EYA4: variants seen among roughly 807,000 people sequenced by gnomAD.
The protein encoded by EYA4 is EYA transcriptional coactivator and phosphatase 4, also known as protein phosphatase EYA4.
A neutral mutation model predicts 87.9 loss-of-function variants in EYA4; 31 were observed. The ratio of observed to expected loss-of-function variants is 0.35; its 90% CI spans 0.27 to 0.48. EYA4 has a LOEUF of 0.48. Among genes scored for constraint, EYA4 ranks in the 20% least tolerant of loss-of-function variants. The pLI is 0.99. For synonymous variants in EYA4, 263 were observed against 270.6 expected (o/e 0.97, Z 0.28); for missense variants, 678 against 761.4 (o/e 0.89, Z 1.29).
chr6:133,509,464 A>C (rs1255660461), intron 14 of EYA4, among the ~76,000 whole-genome samples: 2 of 152,062 alleles, frequency 1.3e-5, no homozygotes, highest in Non-Finnish European at 2.9e-5. Context: ...ATACTGCAAC[A>C]TATATAGTAG....
intron 1 of EYA4, among the ~76,000 whole-genome samples, chr6:133,263,971 G>T (rs545700743): frequency 6.6e-6 from 1 of 152,268 alleles, no homozygotes; most frequent in South Asian, 2.1e-4. Context: ...TTTTCCCAAG[G>T]GTATCTAGGG....
intron 14 of EYA4, among the ~76,000 whole-genome samples, chr6:133,506,921 T>TA (rs1302712395): frequency 1.3e-5 from 2 of 152,182 alleles, no homozygotes; most frequent in Non-Finnish European, 2.9e-5. Flanking sequence ...TCGAAATAAC[T>TA]AAATAGTTCA....
At chr6:133,403,265 C>T (rs1282214008) in intron 3 of EYA4, among the ~76,000 whole-genome samples, 1 of 152,048 alleles carries the variant, frequency 6.6e-6, no homozygotes, top group East Asian at 1.9e-4. Flanking sequence ...AACAAAAAAG[C>T]TTTAAAACCA....
chr6:133,356,409 G>T (rs1784035732), intron 2 of EYA4, among the ~76,000 whole-genome samples: 1 of 152,114 alleles, frequency 6.6e-6, no homozygotes, highest in African/African-American at 2.4e-5. Flanking sequence ...ATATTTTGAT[G>T]TTTCTGATGA....
intron 3 of EYA4, among the ~76,000 whole-genome samples, chr6:133,427,809 A>T (rs1474331411): frequency 1.3e-5 from 2 of 152,224 alleles, no homozygotes; most frequent in East Asian, 3.9e-4. Flanking sequence ...TTGTTCATTC[A>T]TCAAGGTTCA....
intron 2 of EYA4, among the ~76,000 whole-genome samples, chr6:133,341,384 T>A (rs543431768): frequency 6.0e-4 from 92 of 152,326 alleles, no homozygotes; most frequent in African/African-American, 2.0e-3. Flanking sequence ...ATACCTACCA[T>A]GTTCCAAACA....
upstream of EYA4, among the ~76,000 whole-genome samples, chr6:133,241,121 G>C (rs1336516159): frequency 1.3e-5 from 2 of 152,102 alleles, no homozygotes; most frequent in East Asian, 3.9e-4. Context: ...GGCCCTGGGC[G>C]GTCCCCACGC....
chr6:133,311,147 G>A (rs1780182182), intron 2 of EYA4, among the ~76,000 whole-genome samples: 1 of 152,006 alleles, frequency 6.6e-6, no homozygotes, highest in South Asian at 2.1e-4. Flanking sequence ...TCTGTTCCAA[G>A]CCTGTTCACA....
chr6:133,445,839 C>T (rs1295560737), intron 3 of EYA4, among the ~76,000 whole-genome samples: 1 of 152,146 alleles, frequency 6.6e-6, no homozygotes, highest in Non-Finnish European at 1.5e-5. Flanking sequence ...CTCGGCCTCC[C>T]GAAGTGCTGG....
At chr6:133,362,135 A>G (rs7755198) in intron 2 of EYA4, among the ~76,000 whole-genome samples, 6,306 of 152,310 alleles carry the variant, frequency 0.041, 419 homozygotes, top group African/African-American at 0.14. Context: ...TTCAGAAAGT[A>G]TTAACCCTCA....
intron 2 of EYA4, among the ~76,000 whole-genome samples, chr6:133,352,617 AATTT>A (rs1783724657): frequency 1.3e-5 from 2 of 152,188 alleles, no homozygotes; most frequent in Non-Finnish European, 2.9e-5. Flanking sequence ...TTCTTTTAAA[AATTT>A]ATTTGACACT....
chr6:133,356,186 C>G (rs1784017911), intron 2 of EYA4, among the ~76,000 whole-genome samples: 1 of 152,090 alleles, frequency 6.6e-6, no homozygotes, highest in South Asian at 2.1e-4. Context: ...AATTATCTAT[C>G]AAAGGCCCAT....
intron 2 of EYA4, among the ~76,000 whole-genome samples, chr6:133,323,142 T>C (rs1781227412): frequency 6.6e-6 from 1 of 151,798 alleles, no homozygotes; most frequent in Non-Finnish European, 1.5e-5. Flanking sequence ...ATAACAGGCT[T>C]TAAATTTTTT....
At chr6:133,447,275 A>G (rs186987674) in intron 4 of EYA4, among the ~76,000 whole-genome samples, 2 of 152,330 alleles carry the variant, frequency 1.3e-5, no homozygotes, top group Admixed American at 6.5e-5. Context: ...TTATTTAAAA[A>G]GGAATTGCAT....
At chr6:133,406,271 G>A (rs1583194091) in intron 3 of EYA4, among the ~76,000 whole-genome samples, 1 of 152,146 alleles carries the variant, frequency 6.6e-6, no homozygotes, top group East Asian at 1.9e-4. Flanking sequence ...ACACATACAG[G>A]ACTCATGACA....
In EYA4 at chr6:133,456,648, G is replaced by C; in HGVS notation, c.370G>C (p.Val124Leu). Residue 124 changes from valine (V) to leucine (L), a missense_variant and splice_region_variant, in exon 6 of 20, where the codon GTA (valine) becomes CTA (leucine). Transcript: ENST00000355286. ...AGCGCTTGACACTTTTACTGGGTCA[G>C]GTAAAGCCTTTAGCTCGTGTGTCCT... ...DGALDTFTGSVITSSGYSPRS... is the reference protein window; with the variant it reads ...DGALDTFTGSLITSSGYSPRS... The C allele has an allele frequency of 6.2e-7, 1 of 1,604,928 alleles. No homozygotes were observed. The highest frequency in any genetic ancestry group is 8.5e-7 in the Non-Finnish European group (1 of 1,171,698).
At chr6:133,408,720 T>G (rs1008191799) in intron 3 of EYA4, among the ~76,000 whole-genome samples, 31 of 152,132 alleles carry the variant, frequency 2.0e-4, no homozygotes, top group African/African-American at 7.0e-4. Flanking sequence ...TGTCAAAGCT[T>G]TTAGGACAGT....
rs2128658900 is a variant in EYA4 at position 133,462,479 on chromosome 6, T to C, written c.580+2T>C. The C allele has an allele frequency of 6.2e-7, 1 of 1,613,434 alleles. No homozygotes were observed. Among genetic ancestry groups the C allele is most frequent in the Non-Finnish European group, 8.5e-7 (1 of 1,179,928 alleles). On this transcript the variant is annotated splice_donor_variant, in intron 8 of 19. Transcript: ENST00000355286. LOFTEE classifies it high-confidence loss of function. The stretch of plus-strand genomic sequence containing the variant: ...AGCCCTACAGCTTGCCCACTTACGG[T>C]ATTTCACATCTTCTGTTTTCTTCTT...
chr6:133,303,795 C>T (rs1779595545), intron 2 of EYA4, among the ~76,000 whole-genome samples: 1 of 152,144 alleles, frequency 6.6e-6, no homozygotes, highest in Non-Finnish European at 1.5e-5. Context: ...GCCATCTTTC[C>T]TTATTGCCTC....
Sources: gnomAD v4.1 joint callset for allele counts (sites outside exome capture counted in the v4.1 genomes callset) on GRCh38, gnomAD v4.1.1 for gene constraint, MANE v1.5 for transcripts, NCBI Gene and HGNC (gene_info 2026-07-23, HGNC 2026-07-21) for gene names.